RPS6KA2: variants seen among roughly 807,000 people sequenced by gnomAD.
RPS6KA2 encodes ribosomal protein S6 kinase A2.
RPS6KA2 carries 42 observed loss-of-function variants against 91.8 expected under a neutral mutation model. The observed-to-expected ratio is 0.46, with a 90% CI of 0.36 to 0.59. RPS6KA2 has a LOEUF of 0.59. Among genes scored for constraint, RPS6KA2 ranks in the 20% least tolerant of loss-of-function variants. The pLI is 0.00. For synonymous variants in RPS6KA2, 414 were observed against 393.6 expected (o/e 1.05, Z -0.61); for missense variants, 798 against 978.5 (o/e 0.82, Z 2.46).
chr6:166,598,242 T>C (rs1026772719), intron 1 of RPS6KA2, among the ~76,000 whole-genome samples: 14 of 152,202 alleles, frequency 9.2e-5, no homozygotes, highest in Non-Finnish European at 1.9e-4. Context: ...CTGATTTCCT[T>C]TGATGCTTTC....
intron 2 of RPS6KA2, chr6:166,701,355 T>G (rs2128576006): frequency 6.7e-7 from 1 of 1,489,312 alleles, no homozygotes; most frequent in East Asian, 2.3e-5. Flanking sequence ...GATGGCACTC[T>G]GATATGAGCT....
rs372922709 is a variant in RPS6KA2 at position 166,770,660 on chromosome 6, C to T, written c.123+87540G>A. Among the ~76,000 whole-genome samples, 2 of 152,180 alleles carry T rather than the reference C, an allele frequency of 1.3e-5. No homozygotes were observed. Among genetic ancestry groups the T allele is most frequent in the Non-Finnish European group, 2.9e-5 (2 of 68,030 alleles). On this transcript the variant is annotated intron_variant, in intron 2 of 21. Transcript: ENST00000503859. The surrounding 1 kb of genome is among the most constrained non-coding windows in gnomAD (Gnocchi z 5.1). ...CAAGGACATTACTGCACAAAGCACT[C>T]GGATTCCCCACAGGATGCCAAAAAA...
Position 166,648,555 on chromosome 6 carries a change from T to G in RPS6KA2, c.124-109771A>C, listed in dbSNP as rs1235371911. On this transcript the variant is annotated intron_variant, in intron 2 of 21. Transcript: ENST00000503859. This position sits in a 1 kb window ranked among gnomAD's most constrained non-coding sequence, Gnocchi z 4.8. ...AATAAATGTTTCTGGATTGAACACG[T>G]GAGTGAGTTCGTATATTCCTGAATG... Among the ~76,000 whole-genome samples, 1 of 152,196 alleles carries G rather than the reference T, an allele frequency of 6.6e-6. No individual in the cohort carries two copies. Among genetic ancestry groups the G allele is most frequent in the Non-Finnish European group, 1.5e-5 (1 of 68,026 alleles).
chr6:166,857,924 G>A (rs1353966195), intron 2 of RPS6KA2, among the ~76,000 whole-genome samples: 1 of 152,200 alleles, frequency 6.6e-6, no homozygotes, highest in Non-Finnish European at 1.5e-5. Context: ...ACCCTCACAA[G>A]TGCCCATGCC....
rs963499358 is a variant in RPS6KA2, at chr6:166,626,574, C to T, written c.99+347G>A. On this transcript the variant is annotated intron_variant, in intron 1 of 20. Transcript: ENST00000265678. The surrounding 1 kb of genome is among the most constrained non-coding windows in gnomAD (Gnocchi z 4.1). ...TGAGGGACCCCCGCGGAGCGCTCCGCGCCACTCGGCGGTCTAGCTGCAGAG... is the reference window on the plus strand; with the variant it reads ...TGAGGGACCCCCGCGGAGCGCTCCGTGCCACTCGGCGGTCTAGCTGCAGAG... Among the ~76,000 whole-genome samples the T allele has an allele frequency of 6.6e-6, 1 of 152,202 alleles. No individual in the cohort carries two copies. Among genetic ancestry groups the T allele is most frequent in the Non-Finnish European group, 1.5e-5 (1 of 68,022 alleles).
rs1016183516 is a variant in RPS6KA2 at position 166,635,958 on chromosome 6, C to G, written c.124-97174G>C. On this transcript the variant is annotated intron_variant, in intron 2 of 21. Transcript: ENST00000503859. This position sits in a 1 kb window ranked among gnomAD's most constrained non-coding sequence, Gnocchi z 4.8. ...CACCTGCTAGCTTGGCCGCCCATGG[C>G]CATTCCACATAAATCCAAATCCAAT... Among the ~76,000 whole-genome samples, 9 of 152,210 alleles carry G rather than the reference C, an allele frequency of 5.9e-5. No individual in the cohort carries two copies. Among genetic ancestry groups the G allele is most frequent in the African/African-American group, 2.2e-4 (9 of 41,444 alleles).
chr6:166,742,802 T>C (rs1259975294), intron 2 of RPS6KA2, among the ~76,000 whole-genome samples: 1 of 152,168 alleles, frequency 6.6e-6, no homozygotes, highest in Non-Finnish European at 1.5e-5. Context: ...TGTTAACAGG[T>C]GAATGGAGCA....
chr6:166,605,674 T>C (rs1785928410), intron 1 of RPS6KA2, among the ~76,000 whole-genome samples: 1 of 152,204 alleles, frequency 6.6e-6, no homozygotes, highest in Non-Finnish European at 1.5e-5. Flanking sequence ...GGTGGCATTT[T>C]AGATAGAAAT....
intron 2 of RPS6KA2, among the ~76,000 whole-genome samples, chr6:166,780,714 T>C (rs1778746746): frequency 6.6e-6 from 1 of 152,216 alleles, no homozygotes; most frequent in Non-Finnish European, 1.5e-5. Flanking sequence ...TGGTCTTTTA[T>C]GGGCATTTAA....
rs548448235 is a variant in RPS6KA2 at position 166,590,575 on chromosome 6, A to G, written c.99+36346T>C. ...TTCAGGTCGTTGCACTGTACTATAC[A>G]GGGGATTCGTGTGGAATGAGTTGAT... is the stretch of plus-strand genomic sequence containing the variant. On this transcript the variant is annotated intron_variant, in intron 1 of 20. Coordinates refer to ENST00000265678, the MANE Select transcript of RPS6KA2 (RefSeq NM_021135.6). Among the ~76,000 whole-genome samples the G allele has an allele frequency of 4.7e-4, 71 of 152,296 alleles. 1 individual carries two copies. The highest frequency in any genetic ancestry group is 4.6e-3 in the Admixed American group (71 of 15,304).
At position 166,419,537 on chromosome 6, in the gene RPS6KA2, C is replaced by T. The variant is rs534813319; in HGVS notation, c.1820+345G>A. 3.9e-5 allele frequency among the ~76,000 whole-genome samples: 6 copies of T among 152,286 alleles called. No individual in the cohort carries two copies. The East Asian group carries it at 5.8e-4, about 15-fold the overall frequency. On this transcript the variant is annotated intron_variant, in intron 18 of 20. Coordinates refer to ENST00000265678, the MANE Select transcript of RPS6KA2 (RefSeq NM_021135.6). The surrounding 1 kb of genome is among the most constrained non-coding windows in gnomAD (Gnocchi z 5.6). ...GACCCTGAAGCTGCTATGGGGCTTT[C>T]GGTTTAAGAGGATGTCTGGAAGGCA...
chr6:166,728,978 C>G (rs1329239849), intron 2 of RPS6KA2, among the ~76,000 whole-genome samples: 1 of 152,214 alleles, frequency 6.6e-6, no homozygotes, highest in Non-Finnish European at 1.5e-5. Context: ...ACTAGCCAGA[C>G]AGACCAAAGG....
intron 2 of RPS6KA2, among the ~76,000 whole-genome samples, chr6:166,787,534 CCCT>C (rs1177707932): frequency 1.3e-4 from 19 of 151,930 alleles, no homozygotes; most frequent in Non-Finnish European, 2.8e-4. Context: ...AAAATATACC[CCCT>C]GTTAAAAGTT....
chr6:166,474,260 A>C (rs9356488), intron 10 of RPS6KA2, among the ~76,000 whole-genome samples: 6 of 152,064 alleles, frequency 3.9e-5, no homozygotes, highest in African/African-American at 1.5e-4. Context: ...TGAAGTCATT[A>C]AAAACACATC....
chr6:166,559,992 A>G (rs761107364), intron 1 of RPS6KA2, among the ~76,000 whole-genome samples: 2 of 152,224 alleles, frequency 1.3e-5, no homozygotes, highest in African/African-American at 2.4e-5. Flanking sequence ...ACACATGTGA[A>G]CTTACAAAGA....
chr6:166,764,985 A>C (rs1778272190), intron 2 of RPS6KA2, among the ~76,000 whole-genome samples: 1 of 152,196 alleles, frequency 6.6e-6, no homozygotes, highest in African/African-American at 2.4e-5. Context: ...AGGTGGCATG[A>C]CCTTCCCAAC....
At chr6:166,743,348 C>A (rs1456674641) in intron 2 of RPS6KA2, among the ~76,000 whole-genome samples, 1 of 152,200 alleles carries the variant, frequency 6.6e-6, no homozygotes, top group Non-Finnish European at 1.5e-5. Context: ...GAGAACACTG[C>A]CCTCGTGAAC....
chr6:166,446,929 A>C (rs1408937242), intron 14 of RPS6KA2, among the ~76,000 whole-genome samples: 1 of 152,238 alleles, frequency 6.6e-6, no homozygotes. Context: ...TACGAAGCAC[A>C]TGTGAAATAC....
chr6:166,628,606 T>C (rs891244486), upstream of RPS6KA2, among the ~76,000 whole-genome samples: 1 of 152,258 alleles, frequency 6.6e-6, no homozygotes, highest in African/African-American at 2.4e-5. Flanking sequence ...CTCTCTGGGT[T>C]TCCTGGAGAC....
Sources: allele counts gnomAD v4.1 joint callset (sites outside exome capture counted in the v4.1 genomes callset), GRCh38; gene constraint gnomAD v4.1.1; non-coding constraint Gnocchi (gnomAD v3.1); transcripts MANE v1.5; gene names NCBI Gene and HGNC (gene_info 2026-07-23, HGNC 2026-07-21).